Variants in SLFN12 observed in about 807,000 individuals in gnomAD.
The protein encoded by SLFN12 is schlafen family member 12.
A neutral mutation model predicts 29.1 loss-of-function variants in SLFN12; 25 were observed. That is an observed-to-expected ratio of 0.86 (90% CI 0.63 to 1.20). The LOEUF is 1.20. Ranked by LOEUF, SLFN12 falls within the 50% of genes most tolerant of loss-of-function variation. SLFN12 has a pLI of 0.00. For missense variants in SLFN12, 660 were observed against 666.2 expected, an observed-to-expected ratio of 0.99 and a Z score of 0.10; for synonymous variants, 257 against 238.7, an observed-to-expected ratio of 1.08 and a Z score of -0.71.
At chr17:35,427,854 A>G (rs7223625) in intron 1 of SLFN12, among the ~76,000 whole-genome samples, 18,283 of 152,138 alleles carry the variant, frequency 0.12, 1,467 homozygotes, top group South Asian at 0.27. Flanking sequence ...TCTAATTTTC[A>G]TTGAGTCTAA....
chr17:35,413,331 C>G (rs1911136618), intron 3 of SLFN12, among the ~76,000 whole-genome samples: 1 of 152,030 alleles, frequency 6.6e-6, no homozygotes. Context: ...CAACATTACC[C>G]TGATCATGAA....
chr17:35,423,719 T>C (rs994174657), intron 1 of SLFN12, among the ~76,000 whole-genome samples: 1 of 152,168 alleles, frequency 6.6e-6, no homozygotes, highest in East Asian at 1.9e-4. Context: ...GTTTGAATGT[T>C]TGTGTTCCCC....
Position 35,411,276 on chromosome 17 carries a change from G to T in SLFN12, c.*62C>A. 1.7e-6 allele frequency: 2 copies of T among 1,204,118 alleles called. No individual in the cohort carries two copies. The highest frequency in any genetic ancestry group is 1.1e-6 in the Non-Finnish European group (1 of 874,424). The allele number at this position is 1,204,118 out of a possible 1,614,324, so 74.6% of individuals were successfully genotyped here. Reference sequence around the variant, plus strand: ...AAGTTTTCAAAGAAATATTTTCACAGAATTAGAGAATGTTATCAAATATAT... The same window carrying T: ...AAGTTTTCAAAGAAATATTTTCACATAATTAGAGAATGTTATCAAATATAT... On this transcript the variant is annotated 3_prime_UTR_variant, in exon 4 of 4. Coordinates refer to ENST00000304905, the MANE Select transcript of SLFN12 (RefSeq NM_018042.5).
intron 1 of SLFN12, among the ~76,000 whole-genome samples, chr17:35,424,591 A>G (rs1029706552): frequency 1.3e-5 from 2 of 152,192 alleles, no homozygotes; most frequent in African/African-American, 4.8e-5. Flanking sequence ...AGTAATTGCT[A>G]TACTAGAAAA....
chr17:35,415,801 A>G (rs1312885036), intron 3 of SLFN12, among the ~76,000 whole-genome samples: 2 of 152,214 alleles, frequency 1.3e-5, no homozygotes, highest in Non-Finnish European at 2.9e-5. Context: ...AATTAAGTCC[A>G]CAATGAGACC....
At chr17:35,413,548 G>A (rs890749462) in intron 3 of SLFN12, among the ~76,000 whole-genome samples, 8 of 151,926 alleles carry the variant, frequency 5.3e-5, no homozygotes, top group African/African-American at 1.9e-4. Context: ...AGGGGTGCAA[G>A]ACCAACCTGG....
chr17:35,421,276 A>G (rs1162189188), intron 2 of SLFN12, among the ~76,000 whole-genome samples: 1 of 151,340 alleles, frequency 6.6e-6, no homozygotes, highest in Non-Finnish European at 1.5e-5. Flanking sequence ...GACAAGAAGC[A>G]TGAAGGAGCA....
At chr17:35,418,568 G>GATAC (rs10671590) in intron 3 of SLFN12, among the ~76,000 whole-genome samples, 15,174 of 151,990 alleles carry the variant, frequency 0.1, 2,371 homozygotes, top group African/African-American at 0.34. Context: ...TATAGTATAT[G>GATAC]ATACACACAA....
At chr17:35,419,358 G>A (rs8072772) in intron 3 of SLFN12, among the ~76,000 whole-genome samples, 34,442 of 151,834 alleles carry the variant, frequency 0.23, 5,692 homozygotes, top group African/African-American at 0.47. Context: ...ACATTTGGTA[G>A]TCGTTAATAC....
intron 2 of SLFN12, among the ~76,000 whole-genome samples, chr17:35,421,534 CTTT>C (rs770181686): frequency 1.3e-3 from 132 of 104,272 alleles, no homozygotes; most frequent in African/African-American, 4.9e-3. Flanking sequence ...AGGCAGGGAA[CTTT>C]TTTTTTTTTT....
At position 35,422,257 on chromosome 17, in the gene SLFN12, C is replaced by G. The variant is rs1272771571; in HGVS notation, c.772G>C (p.Asp258His). The G allele has an allele frequency of 1.2e-6, 2 of 1,614,122 alleles. No individual in the cohort carries two copies. Among genetic ancestry groups the G allele is most frequent in the East Asian group, 2.2e-5 (1 of 44,892 alleles). Residue 258 changes from aspartate to histidine, a missense_variant, in exon 2 of 4, where the codon GAT becomes CAT. Coordinates refer to ENST00000304905, the MANE Select transcript of SLFN12 (RefSeq NM_018042.5). Reference sequence around the variant, plus strand: ...TTTTCGATTTCTCTTTCTAAGTCATCGAGGTCACTCATCTCTGCTTTAAAG... The same window carrying G: ...TTTTCGATTTCTCTTTCTAAGTCATGGAGGTCACTCATCTCTGCTTTAAAG... ...IGFKAEMSDL[D>H]DLEREIEKSI...
intron 3 of SLFN12, among the ~76,000 whole-genome samples, chr17:35,416,302 T>A (rs1208214389): frequency 1.3e-5 from 2 of 152,060 alleles, no homozygotes; most frequent in African/African-American, 4.8e-5. Context: ...AGCTAGGCCA[T>A]GAGGACACAA....
Position 35,420,391 on chromosome 17 carries a change from A to T in SLFN12, c.1040-10T>A. On this transcript the variant is annotated splice_polypyrimidine_tract_variant and intron_variant, in intron 2 of 3. Coordinates refer to ENST00000304905, the MANE Select transcript of SLFN12 (RefSeq NM_018042.5). The stretch of plus-strand genomic sequence containing the variant: ...TATGAACTGGAAAATTCTTAAAAAC[A>T]AAAATATCACATTCTTAATTTCGCA... 1 of 1,572,728 alleles carries T rather than the reference A, an allele frequency of 6.4e-7. No individual in the cohort carries two copies. The highest frequency in any genetic ancestry group is 8.8e-7 in the Non-Finnish European group (1 of 1,142,822).
In SLFN12 at chr17:35,423,007, C is replaced by T; in HGVS notation, c.22G>A (p.Glu8Lys). Reference protein sequence around the residue: MNISVDLETNYAELVLDV... With the variant: MNISVDLKTNYAELVLDV... ...AGAACCAACTCGGCATAATTCGTTT[C>T]CAAATCAACACTGATGTTCATTTTC... is the stretch of plus-strand genomic sequence containing the variant. The change falls in exon 2 of 4, where the codon GAA becomes AAA. Residue 8 changes from glutamate (E) to lysine (K), a missense_variant. Glu to Lys is a moderately conservative substitution (Grantham distance 56). Transcript: ENST00000304905. 3.1e-6 allele frequency: 5 copies of T among 1,611,674 alleles called. No homozygotes were observed. The South Asian group carries it at 5.5e-5, about 18-fold the overall frequency.
At chr17:35,420,132 T>G (rs111326215) in intron 3 of SLFN12, 142 bp downstream of exon 3, 4 of 613,650 alleles carry the variant, frequency 6.5e-6, no homozygotes, top group African/African-American at 5.6e-5. Context: ...ATTTGACAGA[T>G]TCAATGACTT....
chr17:35,421,293 TAA>T (rs1365463017), intron 2 of SLFN12, among the ~76,000 whole-genome samples: 2 of 151,332 alleles, frequency 1.3e-5, no homozygotes, highest in Non-Finnish European at 2.9e-5. Flanking sequence ...AGCAAGTAAG[TAA>T]AAGAGGCAAA....
rs1483292848 is a variant in SLFN12, at chr17:35,411,474, A to G, written c.1601T>C (p.Leu534Pro). The change falls in exon 4 of 4, where the codon CTT becomes CCT. Residue 534 changes from leucine to proline, a missense_variant. By Grantham distance (98) the Leu-to-Pro change is moderately conservative. Coordinates refer to ENST00000304905, the MANE Select transcript of SLFN12 (RefSeq NM_018042.5). ...FTRRKYLLKA[L>P]FKALKRLKSL... ...CTTGAGTCTCTTTAAGGCTTTAAAA[A>G]GGGCTTTCAGCAAGTATTTCCTTCT... The G allele has an allele frequency of 1.9e-6, 3 of 1,613,880 alleles. No homozygotes were observed. Among genetic ancestry groups the G allele is most frequent in the Non-Finnish European group, 2.5e-6 (3 of 1,179,976 alleles).
Position 35,417,262 on chromosome 17 carries a change from ACAT to A in SLFN12, c.1147+3009_1147+3011del, listed in dbSNP as rs113948764. Among the ~76,000 whole-genome samples the A allele has an allele frequency of 5.4e-3, 815 of 152,280 alleles. 13 individuals are homozygous for A. Among genetic ancestry groups the A allele is most frequent in the African/African-American group, 0.018 (765 of 41,580 alleles). On this transcript the variant is annotated intron_variant, in intron 3 of 3. Coordinates refer to ENST00000304905, the MANE Select transcript of SLFN12 (RefSeq NM_018042.5). Reference sequence around the variant, plus strand: ...AAAAAGGCTTAATAGAAAATATTAAACATCATTTGCCAATCAACATATTAAAAA... The same window carrying A: ...AAAAAGGCTTAATAGAAAATATTAAACATTTGCCAATCAACATATTAAAAA...
In SLFN12 at chr17:35,411,763, G is replaced by A. The variant is rs1218985320; in HGVS notation, c.1312C>T (p.His438Tyr). 1.2e-6 allele frequency: 2 copies of A among 1,613,990 alleles called. No homozygotes were observed. The highest frequency in any genetic ancestry group is 1.7e-6 in the Non-Finnish European group (2 of 1,179,982). Reference sequence around the variant, plus strand: ...AGAAGAGCATCACAGAGGACTTTGTGGTTCTCTTGCAAGCCCAGATCCACA... The same window carrying A: ...AGAAGAGCATCACAGAGGACTTTGTAGTTCTCTTGCAAGCCCAGATCCACA... The part of the protein sequence containing the change: ...WSVDLGLQEN[H>Y]KVLCDALLIS... The change falls in exon 4 of 4, where the codon CAC becomes TAC. Residue 438 changes from histidine (H) to tyrosine (Y), a missense_variant. Transcript: ENST00000304905.
Sources: allele counts gnomAD v4.1 joint callset (sites outside exome capture counted in the v4.1 genomes callset), GRCh38; gene constraint gnomAD v4.1.1; transcripts MANE v1.5; gene names NCBI Gene and HGNC (gene_info 2026-07-23, HGNC 2026-07-21).